MVB12B: variants seen among roughly 807,000 people sequenced by gnomAD.
The protein encoded by MVB12B is multivesicular body subunit 12B.
MVB12B carries 16 observed loss-of-function variants against 41.6 expected under a neutral mutation model. The ratio of observed to expected loss-of-function variants is 0.38; its 90% CI spans 0.26 to 0.58. MVB12B has a LOEUF of 0.58. Ranked by LOEUF, MVB12B falls within the 20% of genes least tolerant of loss-of-function variation. The probability of loss-of-function intolerance (pLI) is 0.62; values close to 1 mark genes in which losing one functional copy is unlikely to be tolerated. For synonymous variants in MVB12B, 133 were observed against 139.7 expected (o/e 0.95, Z 0.34); for missense variants, 274 against 380.2 (o/e 0.72, Z 2.32).
chr9:126,492,796 A>T (rs745807457), intron 9 of MVB12B, among the ~76,000 whole-genome samples: 8 of 152,210 alleles, frequency 5.3e-5, no homozygotes, highest in Non-Finnish European at 1.0e-4. Context: ...GTGAGCTATG[A>T]TTGTGCCACT....
chr9:126,494,029 A>C (rs1289227563), intron 9 of MVB12B, among the ~76,000 whole-genome samples: 1 of 152,068 alleles, frequency 6.6e-6, no homozygotes, highest in Non-Finnish European at 1.5e-5. Flanking sequence ...CCGTATTTTA[A>C]ATGGAAGTTT....
intron 6 of MVB12B, among the ~76,000 whole-genome samples, chr9:126,401,410 T>C (rs1831265357): frequency 6.6e-6 from 1 of 152,206 alleles, no homozygotes; most frequent in Non-Finnish European, 1.5e-5. Context: ...TGTACTTAAC[T>C]TTTTGCATGG....
chr9:126,393,604 G>A (rs1333135174), intron 5 of MVB12B, among the ~76,000 whole-genome samples: 2 of 152,236 alleles, frequency 1.3e-5, no homozygotes, highest in Non-Finnish European at 2.9e-5. Flanking sequence ...AACCACGACT[G>A]GTGCTGCTCC....
At chr9:126,438,707 G>A (rs528936593) in intron 7 of MVB12B, among the ~76,000 whole-genome samples, 2 of 152,240 alleles carry the variant, frequency 1.3e-5, no homozygotes, top group Non-Finnish European at 2.9e-5. Flanking sequence ...CCAGAGCCCA[G>A]TGGGGTGGGG....
intron 2 of MVB12B, among the ~76,000 whole-genome samples, chr9:126,361,631 T>G (rs934333211): frequency 2.0e-5 from 3 of 152,150 alleles, no homozygotes; most frequent in African/African-American, 7.2e-5. Context: ...TGGTGATATA[T>G]TCTCTCAGCT....
chr9:126,454,964 A>C (rs575976517), intron 7 of MVB12B, among the ~76,000 whole-genome samples: 1 of 152,062 alleles, frequency 6.6e-6, no homozygotes, highest in Non-Finnish European at 1.5e-5. Context: ...GTGGGTGCGC[A>C]GGGCAGCCAC....
Position 126,478,890 on chromosome 9 carries a change from G to A in MVB12B, c.758-2479G>A, listed in dbSNP as rs1204220176. On this transcript the variant is annotated intron_variant, in intron 7 of 9. Transcript: ENST00000361171. The surrounding 1 kb of genome is among the most constrained non-coding windows in gnomAD (Gnocchi z 4.2). Reference sequence around the variant, plus strand: ...TAGAAACAACTGTCACCAGTGAGAGGCAGTTCTTCACTCCCAAATACTAAT... The same window carrying A: ...TAGAAACAACTGTCACCAGTGAGAGACAGTTCTTCACTCCCAAATACTAAT... Among the ~76,000 whole-genome samples, 1 of 152,196 alleles carries A rather than the reference G, an allele frequency of 6.6e-6. No individual in the cohort carries two copies. The highest frequency in any genetic ancestry group is 2.4e-5 in the African/African-American group (1 of 41,442).
chr9:126,455,741 C>T (rs1247607171), intron 7 of MVB12B, among the ~76,000 whole-genome samples: 1 of 152,078 alleles, frequency 6.6e-6, no homozygotes, highest in Non-Finnish European at 1.5e-5. Flanking sequence ...CTGCCTCAGC[C>T]TCCCAATGTG....
chr9:126,395,507 TTGCTTTGTCACTCAGGTAAA>T lies in MVB12B; in HGVS notation c.540-59_540-40del, dbSNP rs1365256567. 1.9e-6 allele frequency: 3 copies of T among 1,572,820 alleles called. No homozygotes were observed. Among genetic ancestry groups the T allele is most frequent in the Non-Finnish European group, 2.6e-6 (3 of 1,153,966 alleles). On this transcript the variant is annotated intron_variant, in intron 5 of 9. Coordinates refer to ENST00000361171, the MANE Select transcript of MVB12B (RefSeq NM_033446.3). This position sits in a 1 kb window ranked among gnomAD's most constrained non-coding sequence, Gnocchi z 4.9. ...CCATGACTCTTTTAAATGAATTGGT[TTGCTTTGTCACTCAGGTAAA>T]TGCTTTGTGCTAACCAGAGCCATGA...
chr9:126,493,540 T>C (rs1374358673), intron 9 of MVB12B, among the ~76,000 whole-genome samples: 1 of 152,228 alleles, frequency 6.6e-6, no homozygotes, highest in Non-Finnish European at 1.5e-5. Flanking sequence ...AGTTGAACTT[T>C]AGAATCTTGG....
At chr9:126,428,708 A>T (rs1325655532) in intron 7 of MVB12B, among the ~76,000 whole-genome samples, 1 of 152,168 alleles carries the variant, frequency 6.6e-6, no homozygotes, top group Admixed American at 6.5e-5. Context: ...TTGCATCCAC[A>T]TTCTGGGTGT....
Position 126,404,447 on chromosome 9 carries a change from G to A in MVB12B, c.662+8750G>A, listed in dbSNP as rs774133422. 1.4e-4 allele frequency among the ~76,000 whole-genome samples: 22 copies of A among 152,212 alleles called. No homozygotes were observed. In the East Asian group the frequency reaches 1.7e-3, roughly 12 times the overall value. ...GCAGACTGTCACGAGGCCCCCAGCCGTGAAGCCTCTCATCAGGGAGCCAAG... is the reference window on the plus strand; with the variant it reads ...GCAGACTGTCACGAGGCCCCCAGCCATGAAGCCTCTCATCAGGGAGCCAAG... On this transcript the variant is annotated intron_variant, in intron 6 of 9. Coordinates refer to ENST00000361171, the MANE Select transcript of MVB12B (RefSeq NM_033446.3).
intron 6 of MVB12B, among the ~76,000 whole-genome samples, chr9:126,401,149 T>C (rs1831257688): frequency 2.6e-5 from 4 of 152,112 alleles, no homozygotes; most frequent in Admixed American, 6.5e-5. Context: ...TCCCTAACAC[T>C]GTCTCTCTTG....
At position 126,376,473 on chromosome 9, in the gene MVB12B, C is replaced by T; in HGVS notation, c.205-4591C>T. 7.8e-7 allele frequency: 1 copy of T among 1,279,074 alleles called. No individual in the cohort carries two copies. Among genetic ancestry groups the T allele is most frequent in the South Asian group, 1.2e-5 (1 of 80,802 alleles). The allele number at this position is 1,279,074 out of a possible 1,614,324, so 79.2% of individuals were successfully genotyped here. On this transcript the variant is annotated intron_variant, in intron 2 of 9. Transcript: ENST00000361171. This position sits in a 1 kb window ranked among gnomAD's most constrained non-coding sequence, Gnocchi z 4.1. ...GGAGGCACCAGCTCATGGGCTGGAG[C>T]CCTGTGGGTGGGGGGCCTGCTGGCT...
Position 126,506,749 on chromosome 9 carries a change from G to A in MVB12B, c.*3486G>A, listed in dbSNP as rs1462723574. On this transcript the variant is annotated 3_prime_UTR_variant, in exon 10 of 10. Transcript: ENST00000361171. The stretch of plus-strand genomic sequence containing the variant: ...GAGGCCACGCCAGGCGCTCACCCCT[G>A]AGCCCACAGCCCCTGCTTGGGCTGC... 1 of 152,182 alleles carries A rather than the reference G, an allele frequency of 6.6e-6. No homozygotes were observed. The allele number at this position is 152,182 out of a possible 1,614,324, so 9.4% of individuals were successfully genotyped here. A position where few individuals can be genotyped will look rare whatever the true frequency, so the allele number is the denominator to read the frequency against.
At chr9:126,347,970 C>G (rs888163067) in intron 2 of MVB12B, among the ~76,000 whole-genome samples, 1 of 152,212 alleles carries the variant, frequency 6.6e-6, no homozygotes, top group African/African-American at 2.4e-5. Context: ...AGTTGCCCCT[C>G]CTGGAACTCT....
At chr9:126,483,478 T>G (rs1564347406) in intron 8 of MVB12B, among the ~76,000 whole-genome samples, 1 of 152,204 alleles carries the variant, frequency 6.6e-6, no homozygotes, top group Non-Finnish European at 1.5e-5. Context: ...TCCCCCCAGC[T>G]CCTACCCTGG....
At chr9:126,426,674 A>C (rs1486601527) in intron 7 of MVB12B, among the ~76,000 whole-genome samples, 2 of 152,182 alleles carry the variant, frequency 1.3e-5, no homozygotes, top group African/African-American at 4.8e-5. Flanking sequence ...CTCCAAAAAT[A>C]CATACGGCCA....
intron 7 of MVB12B, among the ~76,000 whole-genome samples, chr9:126,423,119 A>C (rs1477265402): frequency 6.6e-6 from 1 of 152,242 alleles, no homozygotes; most frequent in Non-Finnish European, 1.5e-5. Flanking sequence ...GAAAAGCTGA[A>C]TATTTCCCCA....
Sources: allele counts gnomAD v4.1 joint callset (sites outside exome capture counted in the v4.1 genomes callset), GRCh38; gene constraint gnomAD v4.1.1; non-coding constraint Gnocchi (gnomAD v3.1); transcripts MANE v1.5; gene names NCBI Gene and HGNC (gene_info 2026-07-23, HGNC 2026-07-21).